Variants in DNAJC6 observed in about 807,000 individuals in gnomAD.
The protein encoded by DNAJC6 is auxilin.
In DNAJC6, 34 loss-of-function variants were observed where a neutral mutation model predicts 110.0. The ratio of observed to expected loss-of-function variants is 0.31; its 90% CI spans 0.24 to 0.41. The LOEUF (loss-of-function observed/expected upper bound fraction) is 0.41. Ranked by LOEUF, DNAJC6 falls within the 10% of genes least tolerant of loss-of-function variation. The probability of loss-of-function intolerance (pLI) is 1.00; values close to 1 mark genes in which losing one functional copy is unlikely to be tolerated. For synonymous variants in DNAJC6, 406 were observed against 437.2 expected (o/e 0.93, Z 0.89); for missense variants, 1,031 against 1,207.8 (o/e 0.85, Z 2.17).
Position 65,365,947 on chromosome 1 carries a change from T to C in DNAJC6, c.394+13T>C, listed in dbSNP as rs775273025. 6.2e-7 allele frequency: 1 copy of C among 1,613,588 alleles called. No individual in the cohort carries two copies. The highest frequency in any genetic ancestry group is 8.5e-7 in the Non-Finnish European group (1 of 1,179,666). On this transcript the variant is annotated intron_variant, in intron 3 of 18. Transcript: ENST00000371069. ...TCCAGAATTATTGGTAAGTTTCTCA[T>C]GTTTATTAACAGTCCTTTGGCTCAG... is the stretch of plus-strand genomic sequence containing the variant.
chr1:65,367,084 G>A (rs939786519), intron 4 of DNAJC6, among the ~76,000 whole-genome samples: 3 of 152,064 alleles, frequency 2.0e-5, no homozygotes, highest in Non-Finnish European at 4.4e-5. Context: ...GCTCCTTCCT[G>A]CCCTAATATT....
chr1:65,283,527 T>C (rs1411642876), intron 1 of DNAJC6, among the ~76,000 whole-genome samples: 2 of 152,188 alleles, frequency 1.3e-5, no homozygotes, highest in African/African-American at 4.8e-5. Context: ...AAAATGGATA[T>C]AGCATAATTT....
rs777271287 is a variant in DNAJC6, at chr1:65,413,123, A to C, written c.*98A>C. 3 of 954,296 alleles carry C rather than the reference A, an allele frequency of 3.1e-6. No homozygotes were observed. The East Asian group carries it at 7.3e-5, about 23-fold the overall frequency. The allele number at this position is 954,296 out of a possible 1,614,324, so 59.1% of individuals were successfully genotyped here. On this transcript the variant is annotated 3_prime_UTR_variant, in exon 19 of 19. Transcript: ENST00000371069. Reference sequence around the variant, plus strand: ...CAGATGAACCAAAAACTCCAGTAACATGTTTTCAGTACTAAACCGTTAAGT... The same window carrying C: ...CAGATGAACCAAAAACTCCAGTAACCTGTTTTCAGTACTAAACCGTTAAGT...
intron 1 of DNAJC6, among the ~76,000 whole-genome samples, chr1:65,266,711 A>C (rs1570186498): frequency 6.6e-6 from 1 of 152,164 alleles, no homozygotes; most frequent in South Asian, 2.1e-4. Flanking sequence ...AAAATTGCTT[A>C]TTTGCCAAGT....
rs1281546373 is a variant in DNAJC6, at chr1:65,380,923, T to TG, written c.666+1399_666+1400insG. Among the ~76,000 whole-genome samples the TG allele has an allele frequency of 4.7e-5, 6 of 128,848 alleles. 1 individual carries two copies. The highest frequency in any genetic ancestry group is 7.4e-5 in the Admixed American group (1 of 13,604). 84.5% of individuals were successfully genotyped at this position (128,848 alleles called of 152,430 possible). On this transcript the variant is annotated intron_variant, in intron 5 of 18. Transcript: ENST00000371069. ...TTTTTTGTTTTTTGTTTTGTTTTGT[T>TG]TTTTTTTTTTTTTTGGGACCGAGTC...
intron 14 of DNAJC6, among the ~76,000 whole-genome samples, chr1:65,400,042 T>C (rs1646016000): frequency 6.6e-6 from 1 of 152,002 alleles, no homozygotes; most frequent in African/African-American, 2.4e-5. Context: ...TAGCCAGGTA[T>C]GGTGGTGTGT....
intron 8 of DNAJC6, among the ~76,000 whole-genome samples, chr1:65,387,428 AC>A (rs952766314): frequency 6.6e-6 from 1 of 152,156 alleles, no homozygotes; most frequent in Non-Finnish European, 1.5e-5. Flanking sequence ...CACAAAAGAT[AC>A]CCTGTACCTA....
rs572740988 is a variant in DNAJC6, at chr1:65,313,023, C to T, written c.193+3085C>T. Among the ~76,000 whole-genome samples, 4 of 151,686 alleles carry T rather than the reference C, an allele frequency of 2.6e-5. 1 individual carries two copies. The highest frequency in any genetic ancestry group is 6.6e-5 in the Admixed American group (1 of 15,204). Reference sequence around the variant, plus strand: ...CCATGTTGGCCAGGCTGGTCTCGGACTCCTGGTCTCAAGTGATCTGCCCGC... The same window carrying T: ...CCATGTTGGCCAGGCTGGTCTCGGATTCCTGGTCTCAAGTGATCTGCCCGC... On this transcript the variant is annotated intron_variant, in intron 1 of 18. Coordinates refer to ENST00000371069, the MANE Select transcript of DNAJC6 (RefSeq NM_001256864.2).
intron 1 of DNAJC6, among the ~76,000 whole-genome samples, chr1:65,330,998 T>G (rs1645284124): frequency 6.6e-6 from 1 of 152,218 alleles, no homozygotes. Flanking sequence ...CAGTCTTAAT[T>G]CCACTCTCAT....
chr1:65,290,025 G>C (rs1644851150), intron 1 of DNAJC6, among the ~76,000 whole-genome samples: 1 of 152,024 alleles, frequency 6.6e-6, no homozygotes, highest in African/African-American at 2.4e-5. Context: ...GGCTAGGCTG[G>C]TCTTGAACTC....
In DNAJC6 at chr1:65,309,550, G is replaced by C. The variant is rs1645077154; in HGVS notation, c.-196G>C. On this transcript the variant is annotated 5_prime_UTR_variant, in exon 1 of 19. Coordinates refer to ENST00000371069, the MANE Select transcript of DNAJC6 (RefSeq NM_001256864.2). ...CCCTCCTCCCGGCGCCCCGAGCCGA[G>C]CTCAGCCCAGGGCGGCGGCTTCGCC... 1.1e-5 allele frequency: 13 copies of C among 1,218,468 alleles called. No homozygotes were observed. The highest frequency in any genetic ancestry group is 1.3e-5 in the Non-Finnish European group (13 of 981,464). 75.5% of individuals were successfully genotyped at this position (1,218,468 alleles called of 1,614,324 possible).
intron 2 of DNAJC6, 93 bp from the exon 3 acceptor site, chr1:65,365,792 G>T (rs1202856688): frequency 2.9e-6 from 4 of 1,370,002 alleles, no homozygotes; most frequent in African/African-American, 1.4e-5. Flanking sequence ...CTGGACAGCG[G>T]TGTCCCAGTT....
In DNAJC6 at chr1:65,367,876, T is replaced by TGC. The variant is rs1491059717; in HGVS notation, c.543+1680_543+1681insGC. On this transcript the variant is annotated intron_variant, in intron 4 of 18. Transcript: ENST00000371069. Reference sequence around the variant, plus strand: ...TTGCCCTAGAAGAGGAGGGAGCATTTTTTTTTTTTTTTTTTTGGATACCTA... The same window carrying TGC: ...TTGCCCTAGAAGAGGAGGGAGCATTTGCTTTTTTTTTTTTTTTTGGATACCTA... 1.6e-4 allele frequency among the ~76,000 whole-genome samples: 3 copies of TGC among 19,136 alleles called. No individual in the cohort carries two copies. The African/African-American group carries it at 2.5e-3, about 16-fold the overall frequency. 12.6% of individuals were successfully genotyped at this position (19,136 alleles called of 152,430 possible).
At chr1:65,339,516 G>C (rs1645368942) in intron 1 of DNAJC6, among the ~76,000 whole-genome samples, 2 of 152,134 alleles carry the variant, frequency 1.3e-5, no homozygotes, top group Non-Finnish European at 2.9e-5. Context: ...TACATAGTAG[G>C]GACTCAAATC....
chr1:65,274,531 G>T lies in DNAJC6; in HGVS notation c.-131+9599G>T, dbSNP rs1653602033. On this transcript the variant is annotated intron_variant, in intron 1 of 19. Coordinates refer to the DNAJC6 transcript ENST00000263441. ...AGGGTTTTGCCATGTTGGCCAGGCT[G>T]GTCTCGAACTCCTGACCTCAGGTGA... 2.0e-5 allele frequency among the ~76,000 whole-genome samples: 3 copies of T among 152,270 alleles called. No homozygotes were observed. The South Asian group carries it at 6.2e-4, about 32-fold the overall frequency.
chr1:65,341,754 A>G (rs1180682154), intron 1 of DNAJC6, among the ~76,000 whole-genome samples: 2 of 151,036 alleles, frequency 1.3e-5, no homozygotes, highest in African/African-American at 4.8e-5. Flanking sequence ...TGAGAGTCAA[A>G]GACAGCAGCT....
At chr1:65,387,111 G>A (rs1645880408) in intron 8 of DNAJC6, among the ~76,000 whole-genome samples, 182 bp downstream of exon 8, 2 of 152,178 alleles carry the variant, frequency 1.3e-5, no homozygotes, top group African/African-American at 4.8e-5. Flanking sequence ...GACTCAAAGA[G>A]GTTGTGACTT....
At chr1:65,361,031 T>C (rs1028051896) in intron 1 of DNAJC6, among the ~76,000 whole-genome samples, 1 of 152,206 alleles carries the variant, frequency 6.6e-6, no homozygotes, top group African/African-American at 2.4e-5. Flanking sequence ...TGTAGAATAG[T>C]GTGAAATGGT....
Position 65,386,837 on chromosome 1 carries a change from A to G in DNAJC6, c.1021A>G (p.Ile341Val). The G allele has an allele frequency of 6.2e-7, 1 of 1,614,130 alleles. No individual in the cohort carries two copies. Among genetic ancestry groups the G allele is most frequent in the Non-Finnish European group, 8.5e-7 (1 of 1,180,008 alleles). The change falls in exon 8 of 19, where the codon ATC (isoleucine) becomes GTC (valine). Residue 341 changes from isoleucine to valine, a missense_variant. Transcript: ENST00000371069. Reference protein sequence around the residue: ...MKEYRVQDGKIFIPLNITVQG... With the variant: ...MKEYRVQDGKVFIPLNITVQG... ...AGAATATCGTGTCCAAGATGGAAAA[A>G]TCTTCATTCCCTTGAACATCACTGT...
Sources: gnomAD v4.1 joint callset for allele counts (sites outside exome capture counted in the v4.1 genomes callset) on GRCh38, gnomAD v4.1.1 for gene constraint, MANE v1.5 for transcripts, NCBI Gene and HGNC (gene_info 2026-07-23, HGNC 2026-07-21) for gene names.